Variants in NAALADL2 observed in about 807,000 individuals in gnomAD.
NAALADL2 encodes the protein N-acetylated alpha-linked acidic dipeptidase like 2.
In NAALADL2, 76 loss-of-function variants were observed where a neutral mutation model predicts 87.2. The ratio of observed to expected loss-of-function variants is 0.87; its 90% CI spans 0.72 to 1.05. The LOEUF (loss-of-function observed/expected upper bound fraction) is 1.05. NAALADL2 is among the 50% of genes least tolerant of loss of function. The pLI is 0.00. For synonymous variants in NAALADL2, 354 were observed against 331.0 expected, an observed-to-expected ratio of 1.07 and a Z score of -0.75; for missense variants, 1,089 against 945.8, an observed-to-expected ratio of 1.15 and a Z score of -1.99.
chr3:175,770,473 T>G (rs1348252242), intron 13 of NAALADL2, among the ~76,000 whole-genome samples: 3 of 152,236 alleles, frequency 2.0e-5, no homozygotes, highest in African/African-American at 7.2e-5. Flanking sequence ...GGTCTGTTTG[T>G]GTATGTCTAG....
At chr3:175,770,680 T>G (rs950927127) in intron 13 of NAALADL2, among the ~76,000 whole-genome samples, 1 of 152,202 alleles carries the variant, frequency 6.6e-6, no homozygotes, top group Non-Finnish European at 1.5e-5. Flanking sequence ...TTGCTAATCA[T>G]AGTAGGTCTC....
intron 3 of NAALADL2, among the ~76,000 whole-genome samples, chr3:174,743,250 C>T (rs542982716): frequency 1.3e-5 from 2 of 151,742 alleles, no homozygotes; most frequent in South Asian, 2.1e-4. Context: ...GTTTCTCAAC[C>T]GGGTCTTTTG....
intron 1 of NAALADL2, among the ~76,000 whole-genome samples, chr3:174,522,321 G>A (rs1243271048): frequency 6.6e-6 from 1 of 152,078 alleles, no homozygotes; most frequent in Non-Finnish European, 1.5e-5. Flanking sequence ...GCCTTTGGGA[G>A]GTGATTAGGT....
In NAALADL2 at chr3:175,097,172, A is replaced by T. The variant is rs532827243; in HGVS notation, c.426A>T (p.Ile142=). Residue 142 remains isoleucine, a synonymous_variant, in exon 2 of 14, where the codon ATA becomes ATT. Transcript: ENST00000454872. Reference sequence around the variant, plus strand: ...TTTTATTTATTTTTGGGATTTTGATAGGTTATTATGTACATACAAATTGCC... The same window carrying T: ...TTTTATTTATTTTTGGGATTTTGATTGGTTATTATGTACATACAAATTGCC... ...ATILFIFGIL[I]GYYVHTNCPS... 3.7e-6 allele frequency: 6 copies of T among 1,613,800 alleles called. No individual in the cohort carries two copies. In the South Asian group the frequency reaches 5.5e-5, roughly 15 times the overall value.
At chr3:174,643,789 A>G (rs1723498455) in intron 2 of NAALADL2, among the ~76,000 whole-genome samples, 1 of 152,204 alleles carries the variant, frequency 6.6e-6, no homozygotes, top group African/African-American at 2.4e-5. Flanking sequence ...TCATATTGTT[A>G]TTTACATACA....
At chr3:174,880,688 T>C (rs1276413253) in intron 1 of NAALADL2, among the ~76,000 whole-genome samples, 2 of 152,132 alleles carry the variant, frequency 1.3e-5, no homozygotes, top group African/African-American at 4.8e-5. Flanking sequence ...CTTTACTCCT[T>C]CACCTTCTTT....
Position 174,501,784 on chromosome 3 carries a change from C to A in NAALADL2, c.-183-48785C>A, listed in dbSNP as rs530609211. On this transcript the variant is annotated intron_variant, in intron 1 of 3. Transcript: ENST00000434257. ...TATATTGGTAATTTATATCTTTTTTCTTTTTTTGCTCTCATTAATCTGGCT... is the reference window on the plus strand; with the variant it reads ...TATATTGGTAATTTATATCTTTTTTATTTTTTTGCTCTCATTAATCTGGCT... 1.3e-4 allele frequency among the ~76,000 whole-genome samples: 19 copies of A among 151,762 alleles called. No homozygotes were observed. In the East Asian group the frequency reaches 3.1e-3, roughly 25 times the overall value.
chr3:174,838,313 T>C (rs887688482), intron 3 of NAALADL2, among the ~76,000 whole-genome samples: 20 of 152,282 alleles, frequency 1.3e-4, no homozygotes, highest in African/African-American at 4.8e-4. Context: ...ATTAAAACTC[T>C]CAGCAAAATT....
intron 3 of NAALADL2, among the ~76,000 whole-genome samples, chr3:175,242,011 G>A (rs980541831): frequency 6.6e-5 from 10 of 151,518 alleles, no homozygotes; most frequent in South Asian, 4.2e-4. Context: ...ACAGGCACGC[G>A]CCCCCATGCC....
intron 2 of NAALADL2, among the ~76,000 whole-genome samples, chr3:174,643,521 G>A (rs1286992474): frequency 6.6e-6 from 1 of 152,140 alleles, no homozygotes; most frequent in African/African-American, 2.4e-5. Context: ...GGGTGTGGTG[G>A]TGGGCGCCTG....
At position 175,110,834 on chromosome 3, in the gene NAALADL2, G is replaced by A. The variant is rs186056799; in HGVS notation, c.545+13543G>A. Reference sequence around the variant, plus strand: ...AAAATAACACAGGATGACCAAAAACGTTTAGTAAATCTGGGTAACAATTTG... The same window carrying A: ...AAAATAACACAGGATGACCAAAAACATTTAGTAAATCTGGGTAACAATTTG... On this transcript the variant is annotated intron_variant, in intron 2 of 13. Transcript: ENST00000454872. Among the ~76,000 whole-genome samples, 7 of 151,810 alleles carry A rather than the reference G, an allele frequency of 4.6e-5. No individual in the cohort carries two copies. The East Asian group carries it at 7.8e-4, about 17-fold the overall frequency.
At chr3:175,414,362 G>A (rs1420662392) in intron 5 of NAALADL2, among the ~76,000 whole-genome samples, 1 of 152,122 alleles carries the variant, frequency 6.6e-6, no homozygotes, top group Non-Finnish European at 1.5e-5. Context: ...CCTTATGTGT[G>A]TTTAATTCCT....
intron 2 of NAALADL2, among the ~76,000 whole-genome samples, chr3:175,170,225 G>T (rs2108903392): frequency 6.6e-6 from 1 of 151,480 alleles, no homozygotes. Flanking sequence ...CATTTCTTCT[G>T]TTAATTTTCT....
chr3:175,172,199 G>T (rs1318032832), intron 2 of NAALADL2, among the ~76,000 whole-genome samples: 1 of 151,902 alleles, frequency 6.6e-6, no homozygotes, highest in Admixed American at 6.6e-5. Context: ...TCCATAAAAA[G>T]ATACATTGAT....
chr3:174,944,925 T>C (rs1739174459), intron 1 of NAALADL2, among the ~76,000 whole-genome samples: 1 of 152,102 alleles, frequency 6.6e-6, no homozygotes, highest in Admixed American at 6.5e-5. Flanking sequence ...GTGGGTTGAG[T>C]TGTTTCCTTG....
chr3:175,500,897 T>A (rs191783404), intron 9 of NAALADL2, among the ~76,000 whole-genome samples: 100 of 152,214 alleles, frequency 6.6e-4, no homozygotes, highest in Non-Finnish European at 1.2e-3. Flanking sequence ...CACACACAGA[T>A]AGACAGTGAG....
intron 2 of NAALADL2, among the ~76,000 whole-genome samples, chr3:174,581,636 A>G (rs1716178238): frequency 6.6e-6 from 1 of 152,164 alleles, no homozygotes; most frequent in African/African-American, 2.4e-5. Context: ...CTGAGCAGTG[A>G]TGTGTTGCAA....
At chr3:174,809,343 A>G (rs1173956885) in intron 3 of NAALADL2, among the ~76,000 whole-genome samples, 1 of 152,210 alleles carries the variant, frequency 6.6e-6, no homozygotes, top group Non-Finnish European at 1.5e-5. Flanking sequence ...AAACTAACAG[A>G]AAAGTAGACA....
intron 2 of NAALADL2, among the ~76,000 whole-genome samples, chr3:175,207,468 A>G (rs767422050): frequency 1.3e-4 from 19 of 151,810 alleles, no homozygotes; most frequent in Non-Finnish European, 2.7e-4. Context: ...CCGTACAACA[A>G]TGACTTCCTA....
Sources: allele counts gnomAD v4.1 joint callset (sites outside exome capture counted in the v4.1 genomes callset), GRCh38; gene constraint gnomAD v4.1.1; transcripts MANE v1.5; gene names NCBI Gene and HGNC (gene_info 2026-07-23, HGNC 2026-07-21).